Variants in WT1 observed in about 807,000 individuals in gnomAD.
The protein encoded by WT1 is Wilms tumor protein.
A neutral mutation model predicts 60.8 loss-of-function variants in WT1; 8 were observed. The ratio of observed to expected loss-of-function variants is 0.13; its 90% CI spans 0.08 to 0.24. WT1 has a LOEUF of 0.24. Among genes scored for constraint, WT1 ranks in the 10% least tolerant of loss-of-function variants. WT1 has a pLI of 1.00. For missense variants in WT1, 568 were observed against 711.8 expected (o/e 0.80, Z 2.30); for synonymous variants, 312 against 297.1 (o/e 1.05, Z -0.52).
intron 1 of WT1, among the ~76,000 whole-genome samples, chr11:32,429,965 C>A (rs1312382544): frequency 2.7e-5 from 4 of 145,514 alleles, no homozygotes; most frequent in Non-Finnish European, 6.0e-5. Context: ...CACACACCAC[C>A]ACCCCCCGCC....
chr11:32,398,626 G>A (rs748795822), intron 6 of WT1, among the ~76,000 whole-genome samples: 3 of 152,002 alleles, frequency 2.0e-5, no homozygotes, highest in African/African-American at 4.8e-5. Context: ...TATTAGTCTC[G>A]GCTCCAATAT....
At chr11:32,417,325 A>T in intron 4 of WT1, 1 of 510,754 alleles carries the variant, frequency 2.0e-6, no homozygotes, top group Non-Finnish European at 3.5e-6. Flanking sequence ...ATTATAAAAC[A>T]TTCAACAAGA....
intron 3 of WT1, among the ~76,000 whole-genome samples, chr11:32,424,451 T>G (rs112810645): frequency 6.6e-6 from 1 of 152,280 alleles, no homozygotes; most frequent in African/African-American, 2.4e-5. Context: ...CAGCAACATA[T>G]AGTCAGCATG....
At chr11:32,415,407 G>A (rs1852635260) in intron 5 of WT1, among the ~76,000 whole-genome samples, 3 of 152,198 alleles carry the variant, frequency 2.0e-5, no homozygotes, top group East Asian at 1.9e-4. Context: ...CCAGCACTTC[G>A]GGAGATCAAG....
chr11:32,427,853 C>A, intron 3 of WT1, 103 bp downstream of exon 3: 2 of 1,103,514 alleles, frequency 1.8e-6, no homozygotes, highest in Non-Finnish European at 2.6e-6. Context: ...ACCCTGCATG[C>A]CCGCAGTCAG....
intron 5 of WT1, chr11:32,400,592 G>C (rs1310599173): frequency 1.4e-5 from 3 of 216,896 alleles, no homozygotes; most frequent in African/African-American, 6.8e-5. Context: ...CTTAACTCTT[G>C]GTAGCCAGCC....
chr11:32,433,215 G>A (rs1197562885), intron 1 of WT1, among the ~76,000 whole-genome samples: 2 of 152,242 alleles, frequency 1.3e-5, no homozygotes, highest in African/African-American at 4.8e-5. Context: ...CCAGTAAGTT[G>A]TCCCAACGCC....
At chr11:32,401,509 G>A (rs1021081211) in intron 5 of WT1, among the ~76,000 whole-genome samples, 1 of 151,944 alleles carries the variant, frequency 6.6e-6, no homozygotes, top group African/African-American at 2.4e-5. Flanking sequence ...AATTATCGGG[G>A]GGGGGTGTGG....
rs2133106795 is a variant in WT1 at position 32,435,214 on chromosome 11, G to C, written c.147C>G (p.Gly49=). ...GACGTTCAGCGCTGGCCTCGGCGGC[G>C]CCTAACTTGGCCCAGATGCCGCCCG... The change falls in exon 1 of 10, where the codon GGC becomes GGG. Residue 49 remains glycine (G), a synonymous_variant. Coordinates refer to ENST00000452863, the MANE Select transcript of WT1 (RefSeq NM_024426.6). 1 of 1,533,796 alleles carries C rather than the reference G, an allele frequency of 6.5e-7. No individual in the cohort carries two copies. The highest frequency in any genetic ancestry group is 1.4e-5 in the African/African-American group (1 of 72,986).
rs1851728404 is a variant in WT1, at chr11:32,388,623, C to A, written c.*435G>T. On this transcript the variant is annotated 3_prime_UTR_variant, in exon 10 of 10. Transcript: ENST00000452863. ...GCTGTTGCTGTTAGTAAATGGAAAC[C>A]ATGACAAAGTTTACATTAGCAGACA... The A allele has an allele frequency of 3.9e-6, 1 of 255,408 alleles. No homozygotes were observed. The highest frequency in any genetic ancestry group is 7.7e-6 in the Non-Finnish European group (1 of 130,538). The allele number at this position is 255,408 out of a possible 1,614,324, so 15.8% of individuals were successfully genotyped here.
At chr11:32,403,480 A>G (rs541909132) in intron 5 of WT1, among the ~76,000 whole-genome samples, 59 of 152,316 alleles carry the variant, frequency 3.9e-4, no homozygotes, top group African/African-American at 1.3e-3. Context: ...CTAGTTTTCA[A>G]GATAGCCCAT....
At chr11:32,402,983 G>T (rs1852200960) in intron 5 of WT1, among the ~76,000 whole-genome samples, 1 of 152,160 alleles carries the variant, frequency 6.6e-6, no homozygotes, top group Non-Finnish European at 1.5e-5. Flanking sequence ...GGAGGGTGGG[G>T]GCATGGGAAC....
Position 32,428,592 on chromosome 11 carries a change from G to C in WT1, c.689C>G (p.Thr230Arg), listed in dbSNP as rs777166391. The C allele has an allele frequency of 3.7e-6, 6 of 1,613,696 alleles. No homozygotes were observed. Among genetic ancestry groups the C allele is most frequent in the Non-Finnish European group, 5.1e-6 (6 of 1,180,020 alleles). ...CGAGGGCGTGTGACCGTAGCTGGGCGTCCCGTCGAAGGTGACCGTGCTGTA... is the reference window on the plus strand; with the variant it reads ...CGAGGGCGTGTGACCGTAGCTGGGCCTCCCGTCGAAGGTGACCGTGCTGTA... The change falls in exon 2 of 10, where the codon ACG becomes AGG. Residue 230 changes from threonine (T) to arginine (R), a missense_variant. By Grantham distance (71) the Thr-to-Arg change is moderately conservative. Around this residue, in one of 3 missense-constraint regions of WT1, gnomAD observed 523 missense variants for 565.1 expected, o/e 0.93. Coordinates refer to ENST00000452863, the MANE Select transcript of WT1 (RefSeq NM_024426.6).
chr11:32,418,614 G>T (rs1852756171), intron 3 of WT1, among the ~76,000 whole-genome samples: 1 of 152,166 alleles, frequency 6.6e-6, no homozygotes, highest in African/African-American at 2.4e-5. Flanking sequence ...CCGATGTGTG[G>T]TATCAGATTG....
chr11:32,389,368 A>T (rs1161381288), intron 9 of WT1, among the ~76,000 whole-genome samples, 189 bp from the exon 10 acceptor site: 2 of 152,210 alleles, frequency 1.3e-5, no homozygotes, highest in African/African-American at 4.8e-5. Flanking sequence ...GGCTTTAAGG[A>T]TCGAAATATT....
In WT1 at chr11:32,435,100, G is replaced by C. The variant is rs1298313010; in HGVS notation, c.261C>G (p.Ala87=). 4.0e-6 allele frequency: 6 copies of C among 1,505,948 alleles called. No homozygotes were observed. The highest frequency in any genetic ancestry group is 1.2e-5 in the South Asian group (1 of 80,970). The allele number at this position is 1,505,948 out of a possible 1,614,324, so 93.3% of individuals were successfully genotyped here. A position where few individuals can be genotyped will look rare whatever the true frequency, so the allele number is the denominator to read the frequency against. ...CGCCGCCGCCACCCAGGGAGGGGAC[G>C]GCGGGCAGCAGCGCGTTCAGGTCCC... Residue 87 remains alanine (A), a synonymous_variant, in exon 1 of 10, where the codon GCC becomes GCG. Coordinates refer to ENST00000452863, the MANE Select transcript of WT1 (RefSeq NM_024426.6).
intron 5 of WT1, among the ~76,000 whole-genome samples, chr11:32,415,928 C>T (rs926891837): frequency 2.6e-5 from 4 of 151,930 alleles, no homozygotes; most frequent in Non-Finnish European, 4.4e-5. Flanking sequence ...GAAAAGAGGG[C>T]GGCTGGTTGT....
At position 32,410,723 on chromosome 11, in the gene WT1, G is replaced by A. The variant is rs5030236; in HGVS notation, c.1016+5767C>T. ...AACTGTTTTCATTTTAGATAAAGTC[G>A]CCATCTAGGCATACAGAACTACATC... On this transcript the variant is annotated intron_variant, in intron 5 of 9. Coordinates refer to ENST00000452863, the MANE Select transcript of WT1 (RefSeq NM_024426.6). 4.1e-4 allele frequency among the ~76,000 whole-genome samples: 62 copies of A among 152,188 alleles called. No individual in the cohort carries two copies. In the South Asian group the frequency reaches 0.012, roughly 29 times the overall value.
chr11:32,414,000 G>C (rs1852584519), intron 5 of WT1, among the ~76,000 whole-genome samples: 1 of 152,196 alleles, frequency 6.6e-6, no homozygotes, highest in South Asian at 2.1e-4. Flanking sequence ...CAGATCAGAA[G>C]AGGAAACATG....
Sources: allele counts gnomAD v4.1 joint callset (sites outside exome capture counted in the v4.1 genomes callset), GRCh38; gene constraint gnomAD v4.1.1; regional missense constraint gnomAD v4.1.1; transcripts MANE v1.5; gene names NCBI Gene and HGNC (gene_info 2026-07-23, HGNC 2026-07-21).